QSOX1: variants seen among roughly 807,000 people sequenced by gnomAD.
The protein encoded by QSOX1 is sulfhydryl oxidase 1.
In QSOX1, 40 loss-of-function variants were observed where a neutral mutation model predicts 76.1. That is an observed-to-expected ratio of 0.53 (90% CI 0.41 to 0.68). The LOEUF (loss-of-function observed/expected upper bound fraction) is 0.68. Among genes scored for constraint, QSOX1 ranks in the 30% least tolerant of loss-of-function variants. The pLI, the probability that QSOX1 is intolerant of heterozygous loss-of-function variation, is 0.00. For synonymous variants in QSOX1, 392 were observed against 413.1 expected (o/e 0.95, Z 0.62); for missense variants, 931 against 974.3 (o/e 0.96, Z 0.59).
intron 2 of QSOX1, 83 bp downstream of exon 2, chr1:180,166,674 G>A (rs1169129090): frequency 1.6e-5 from 22 of 1,352,836 alleles, no homozygotes; most frequent in East Asian, 4.7e-5. Flanking sequence ...GGGATGTGTC[G>A]GGATGGGCAG....
chr1:180,197,553 C>A lies in QSOX1; in HGVS notation c.*516C>A. On this transcript the variant is annotated 3_prime_UTR_variant, in exon 12 of 12. Coordinates refer to ENST00000367602, the MANE Select transcript of QSOX1 (RefSeq NM_002826.5). ...AAGGACCACCCCGGGCCCTCTATGC[C>A]TGGCCAGCCTCCAGCTCCTCAGACC... The A allele has an allele frequency of 2.9e-6, 2 of 680,286 alleles. No individual in the cohort carries two copies. Among genetic ancestry groups the A allele is most frequent in the South Asian group, 1.9e-5 (1 of 52,568 alleles). 42.1% of individuals were successfully genotyped at this position (680,286 alleles called of 1,614,324 possible).
chr1:180,200,482 G>T lies in QSOX1; in HGVS notation c.*3445G>T, dbSNP rs1663613914. ...TGAACTGAGGTGTTGAGTGGAAAGT[G>T]CCTCCCCACCCCCATCTGCCACAGT... On this transcript the variant is annotated 3_prime_UTR_variant, in exon 12 of 12. Coordinates refer to ENST00000367602, the MANE Select transcript of QSOX1 (RefSeq NM_002826.5). 6.6e-6 allele frequency: 1 copy of T among 152,162 alleles called. No homozygotes were observed. The highest frequency in any genetic ancestry group is 2.1e-4 in the South Asian group (1 of 4,822). The allele number at this position is 152,162 out of a possible 1,614,324, so 9.4% of individuals were successfully genotyped here.
chr1:180,177,529 ACAGGCATAAGCCACTGCACC>A (rs1662930244), intron 4 of QSOX1, among the ~76,000 whole-genome samples: 1 of 152,242 alleles, frequency 6.6e-6, no homozygotes, highest in Non-Finnish European at 1.5e-5. Context: ...TACTGGGATT[ACAGGCATAAGCCACTGCACC>A]CAGCCCAAAG....
chr1:180,163,741 T>C (rs2149230438), intron 1 of QSOX1, among the ~76,000 whole-genome samples: 1 of 152,322 alleles, frequency 6.6e-6, no homozygotes, highest in South Asian at 2.1e-4. Flanking sequence ...AGAACTGCCT[T>C]CTGGTTGTAG....
Position 180,175,345 on chromosome 1 carries a change from G to T in QSOX1, c.391G>T (p.Gly131Cys), listed in dbSNP as rs377697828. ...GTTCTTCAAGGCCTTTACCAAGAAC[G>T]GCTCGGGAGCAGTATTTCCAGGTGG... ...VRFFKAFTKN[G>C]SGAVFPVAGA... Residue 131 changes from glycine to cysteine, a missense_variant, in exon 3 of 12, where the codon GGC becomes TGC. Physicochemically the swap from Gly to Cys is radical, Grantham distance 159 (BLOSUM62 -3). Transcript: ENST00000367602. The T allele has an allele frequency of 6.2e-7, 1 of 1,613,978 alleles. No individual in the cohort carries two copies. Among genetic ancestry groups the T allele is most frequent in the Non-Finnish European group, 8.5e-7 (1 of 1,179,966 alleles).
At chr1:180,182,340 C>T (rs775136031) in intron 6 of QSOX1, 21 bp downstream of exon 6, 22 of 1,613,032 alleles carry the variant, frequency 1.4e-5, no homozygotes, top group East Asian at 2.2e-5. Flanking sequence ...TGTCTCCTGG[C>T]GTCCCCTCTC....
intron 2 of QSOX1, 85 bp from the exon 3 acceptor site, chr1:180,175,236 G>T: frequency 1.6e-6 from 2 of 1,254,026 alleles, no homozygotes; most frequent in East Asian, 2.3e-5. Context: ...CATTGAATAA[G>T]TAGGCAGATT....
chr1:180,156,324 G>A (rs981485002), intron 1 of QSOX1, among the ~76,000 whole-genome samples: 1 of 152,188 alleles, frequency 6.6e-6, no homozygotes, highest in Non-Finnish European at 1.5e-5. Context: ...GTTACTTCCT[G>A]ACTCTGGTGC....
intron 8 of QSOX1, among the ~76,000 whole-genome samples, chr1:180,189,258 C>G (rs1458744246): frequency 1.3e-5 from 2 of 152,146 alleles, no homozygotes; most frequent in African/African-American, 4.8e-5. Flanking sequence ...TGCACAGGAG[C>G]CTGAGGTCTG....
intron 8 of QSOX1, among the ~76,000 whole-genome samples, chr1:180,187,103 G>T (rs141772582): frequency 1.3e-5 from 2 of 152,152 alleles, no homozygotes; most frequent in African/African-American, 4.8e-5. Context: ...GGCTGCCCTC[G>T]GGTGATTTGT....
At position 180,155,196 on chromosome 1, in the gene QSOX1, C is replaced by T. The variant is rs181607858; in HGVS notation, c.265+24C>T. The T allele has an allele frequency of 4.9e-3, 7,183 of 1,458,068 alleles. 273 individuals carry two copies. In the African/African-American group the frequency reaches 0.088, roughly 18 times the overall value. 90.3% of individuals were successfully genotyped at this position (1,458,068 alleles called of 1,614,324 possible). A position where few individuals can be genotyped will look rare whatever the true frequency, so the allele number is the denominator to read the frequency against. ...AGGTGAGAAGCGGGGGCGGCCCGCT[C>T]CCCCGTGCCCCGCCGCCCGGACCCC... On this transcript the variant is annotated intron_variant, in intron 1 of 11. Transcript: ENST00000367602.
intron 6 of QSOX1, among the ~76,000 whole-genome samples, chr1:180,182,843 C>T (rs1663074232): frequency 6.6e-6 from 1 of 152,256 alleles, no homozygotes; most frequent in Admixed American, 6.5e-5. Context: ...CCTTGGTGCC[C>T]TCCCTGGGCA....
At chr1:180,195,005 G>GGA (rs1663431502) in intron 11 of QSOX1, among the ~76,000 whole-genome samples, 1 of 151,892 alleles carries the variant, frequency 6.6e-6, no homozygotes, top group Non-Finnish European at 1.5e-5. Flanking sequence ...CCGGGGGGGG[G>GGA]AGACCAGGGC....
At chr1:180,182,455 C>T in intron 6 of QSOX1, 136 bp downstream of exon 6, 1 of 1,247,802 alleles carries the variant, frequency 8.0e-7, no homozygotes, top group Non-Finnish European at 1.1e-6. Context: ...AAGCTGCAGT[C>T]TGCTGTCTGC....
At chr1:180,156,998 C>G (rs538118043) in intron 1 of QSOX1, among the ~76,000 whole-genome samples, 1 of 152,196 alleles carries the variant, frequency 6.6e-6, no homozygotes, top group Non-Finnish European at 1.5e-5. Flanking sequence ...TGGCCTCTTG[C>G]AATGCAGAGT....
Position 180,178,893 on chromosome 1 carries a change from C to T in QSOX1, c.606+9C>T, listed in dbSNP as rs1332441876. 12 of 1,604,232 alleles carry T rather than the reference C, an allele frequency of 7.5e-6. No homozygotes were observed. The highest frequency in any genetic ancestry group is 1.0e-5 in the Non-Finnish European group (12 of 1,171,130). On this transcript the variant is annotated intron_variant, in intron 5 of 11. Coordinates refer to ENST00000367602, the MANE Select transcript of QSOX1 (RefSeq NM_002826.5). ...CCTACCTGGGTAGAGAGGTGAGCTG[C>T]CCTGAAGTTCCCTGCAATTCTTGGA... is the stretch of plus-strand genomic sequence containing the variant.
intron 11 of QSOX1, among the ~76,000 whole-genome samples, chr1:180,195,001 G>GGGGC (rs1553275539): frequency 2.0e-5 from 3 of 149,092 alleles, no homozygotes; most frequent in South Asian, 4.4e-4. Flanking sequence ...CCTCCCGGGG[G>GGGGC]GGGGAGACCA....
At chr1:180,175,618 C>T (rs1266868800) in intron 3 of QSOX1, among the ~76,000 whole-genome samples, 1 of 152,210 alleles carries the variant, frequency 6.6e-6, no homozygotes, top group African/African-American at 2.4e-5. Context: ...ACCATGTTCC[C>T]AGAAGAGCTC....
chr1:180,171,905 G>T (rs989384970), intron 2 of QSOX1, among the ~76,000 whole-genome samples: 1 of 152,222 alleles, frequency 6.6e-6, no homozygotes, highest in African/African-American at 2.4e-5. Flanking sequence ...GCCATGGGAA[G>T]ACAAAGCAGG....
Sources: gnomAD v4.1 joint callset for allele counts (sites outside exome capture counted in the v4.1 genomes callset) on GRCh38, gnomAD v4.1.1 for gene constraint, MANE v1.5 for transcripts, NCBI Gene and HGNC (gene_info 2026-07-23, HGNC 2026-07-21) for gene names.